ZSCAN18: variants seen among roughly 807,000 people sequenced by gnomAD.
The protein encoded by ZSCAN18 is zinc finger and SCAN domain-containing protein 18.
In ZSCAN18, 16 loss-of-function variants were observed where a neutral mutation model predicts 31.1. The ratio of observed to expected loss-of-function variants is 0.51; its 90% CI spans 0.35 to 0.78. The LOEUF (loss-of-function observed/expected upper bound fraction) is 0.78, where lower values mean the gene tolerates loss of function less well. ZSCAN18 is among the 30% of genes least tolerant of loss of function. ZSCAN18 has a pLI of 0.01. For synonymous variants in ZSCAN18, 375 were observed against 320.7 expected (o/e 1.17, Z -1.81); for missense variants, 731 against 697.4 (o/e 1.05, Z -0.54).
chr19:58,084,463 CG>C lies in ZSCAN18; in HGVS notation c.*221del, dbSNP rs1568624563. 1 of 463,946 alleles carries C rather than the reference CG, an allele frequency of 2.2e-6. No homozygotes were observed. Among genetic ancestry groups the C allele is most frequent in the East Asian group, 3.5e-5 (1 of 28,614 alleles). 28.7% of individuals were successfully genotyped at this position (463,946 alleles called of 1,614,324 possible). A position where few individuals can be genotyped will look rare whatever the true frequency, so the allele number is the denominator to read the frequency against. ...TTCTTCCACATCCGGCGGCTCCCCT[CG>C]GATGCGAGCGCTGGCCCAGGGTGTG... On this transcript the variant is annotated 3_prime_UTR_variant, in exon 7 of 7. Transcript: ENST00000601144. This position sits in a 1 kb window ranked among gnomAD's most constrained non-coding sequence, Gnocchi z 4.5.
intron 6 of ZSCAN18, chr19:58,085,972 A>G: frequency 7.0e-6 from 4 of 569,704 alleles, no homozygotes; most frequent in Non-Finnish European, 1.3e-5. Flanking sequence ...CCACCGACCA[A>G]GTCTTGGGGT....
chr19:58,090,443 C>T lies in ZSCAN18; in HGVS notation c.-119-57G>A. On this transcript the variant is annotated intron_variant, in intron 1 of 6. Transcript: ENST00000601144. The surrounding 1 kb of genome is among the most constrained non-coding windows in gnomAD (Gnocchi z 4.7). ...GCATAAGGCCAGGGCGCAGCCACCC[C>T]AGCTGCCAGAGAACAAAGACACCAC... 1 of 1,432,428 alleles carries T rather than the reference C, an allele frequency of 7.0e-7. No individual in the cohort carries two copies. Among genetic ancestry groups the T allele is most frequent in the Non-Finnish European group, 9.2e-7 (1 of 1,082,234 alleles). The allele number at this position is 1,432,428 out of a possible 1,614,324, so 88.7% of individuals were successfully genotyped here. A position where few individuals can be genotyped will look rare whatever the true frequency, so the allele number is the denominator to read the frequency against.
rs991325483 is a variant in ZSCAN18 at position 58,117,928 on chromosome 19, G to C, written c.130+339C>G. Among the ~76,000 whole-genome samples, 11 of 151,784 alleles carry C rather than the reference G, an allele frequency of 7.2e-5. No homozygotes were observed. The East Asian group carries it at 2.1e-3, about 29-fold the overall frequency. On this transcript the variant is annotated intron_variant, in intron 1 of 1. Coordinates refer to the ZSCAN18 transcript ENST00000595721. ...GGAGTTGGCACCGCACTGGGGAGAA[G>C]GGTATGGGGGCCCACGCCCAACGAA...
At chr19:58,107,275 G>A (rs2074642064) in intron 1 of ZSCAN18, among the ~76,000 whole-genome samples, 1 of 151,958 alleles carries the variant, frequency 6.6e-6, no homozygotes, top group Non-Finnish European at 1.5e-5. Flanking sequence ...TTCAGCACAG[G>A]CCGGGCATGG....
At chr19:58,106,187 G>A (rs1214078150) in intron 1 of ZSCAN18, among the ~76,000 whole-genome samples, 2 of 151,954 alleles carry the variant, frequency 1.3e-5, no homozygotes, top group African/African-American at 2.4e-5. Flanking sequence ...GGATCACTTC[G>A]GCACAGGAGT....
In ZSCAN18 at chr19:58,106,511, G is replaced by C. The variant is rs1398759295; in HGVS notation, c.130+11756C>G. Reference sequence around the variant, plus strand: ...AGGTCAGGAGATCGAGACCATCCCGGCTAAAACGGTGAAACCCCGTCTCTA... The same window carrying C: ...AGGTCAGGAGATCGAGACCATCCCGCCTAAAACGGTGAAACCCCGTCTCTA... On this transcript the variant is annotated intron_variant, in intron 1 of 1. Coordinates refer to the ZSCAN18 transcript ENST00000595721. Among the ~76,000 whole-genome samples the C allele has an allele frequency of 9.1e-5, 2 of 22,076 alleles. 1 individual carries two copies. 14.5% of individuals were successfully genotyped at this position (22,076 alleles called of 152,430 possible).
intron 1 of ZSCAN18, among the ~76,000 whole-genome samples, chr19:58,110,950 C>A (rs373541574): frequency 2.0e-5 from 3 of 152,184 alleles, no homozygotes; most frequent in African/African-American, 7.2e-5. Flanking sequence ...AGGTGGATCA[C>A]GAGGTCAGGA....
chr19:58,109,100 C>G, intron 1 of ZSCAN18: 1 of 1,227,860 alleles, frequency 8.1e-7, no homozygotes, highest in Non-Finnish European at 1.0e-6. Flanking sequence ...TGCTCTGGGT[C>G]CTTGTGTGTG....
chr19:58,086,074 A>C (rs1471117544), intron 6 of ZSCAN18, 100 bp downstream of exon 6: 1 of 927,276 alleles, frequency 1.1e-6, no homozygotes, highest in Non-Finnish European at 1.7e-6. Flanking sequence ...GTCAATGCTG[A>C]GGTCTTTGCT....
intron 1 of ZSCAN18, among the ~76,000 whole-genome samples, chr19:58,111,412 T>A (rs2074682588): frequency 6.6e-6 from 1 of 152,176 alleles, no homozygotes; most frequent in Non-Finnish European, 1.5e-5. Flanking sequence ...GGTGGTGTGA[T>A]CACAGCTCAC....
intron 2 of ZSCAN18, among the ~76,000 whole-genome samples, chr19:58,089,259 C>G (rs8110117): frequency 2.4e-5 from 3 of 124,418 alleles, no homozygotes; most frequent in Non-Finnish European, 3.2e-5. Context: ...GCCGAGATCC[C>G]GCCACTGCAC....
rs1383659167 is a variant in ZSCAN18, at chr19:58,088,730, G to A, written c.511C>T (p.Gln171Ter). Residue 171 changes from glutamine to a stop codon, truncating the protein, a stop_gained, in exon 3 of 7, where the codon CAG becomes TAG. Transcript: ENST00000601144. LOFTEE classifies it high-confidence loss of function. ...LLPGELASPSQALGAGEIPAP... is the reference protein window; with the variant it reads ...LLPGELASPS ...GGGATCTCCCCAGCTCCAAGGGCCT[G>A]GCTGGGGCTCGCGAGCTCGCCTGGT... 1 of 1,607,860 alleles carries A rather than the reference G, an allele frequency of 6.2e-7. No individual in the cohort carries two copies. The highest frequency in any genetic ancestry group is 1.1e-5 in the South Asian group (1 of 91,050).
chr19:58,091,919 A>T (rs1268134998), intron 1 of ZSCAN18, among the ~76,000 whole-genome samples: 4 of 151,998 alleles, frequency 2.6e-5, no homozygotes, highest in African/African-American at 9.7e-5. Flanking sequence ...AGTAAACCAC[A>T]CCAGGCCAGG....
intron 1 of ZSCAN18, among the ~76,000 whole-genome samples, chr19:58,117,748 G>A (rs542120452): frequency 6.6e-5 from 10 of 151,496 alleles, no homozygotes; most frequent in African/African-American, 2.4e-4. Context: ...TATTGGGGAG[G>A]CTGAGGTTAA....
intron 1 of ZSCAN18, among the ~76,000 whole-genome samples, chr19:58,094,025 A>G (rs1018018015): frequency 6.6e-6 from 1 of 151,832 alleles, no homozygotes; most frequent in East Asian, 2.0e-4. Context: ...TCGGCCTCCC[A>G]AAGTGCCAGG....
At chr19:58,094,754 T>C (rs1394450163) in intron 1 of ZSCAN18, among the ~76,000 whole-genome samples, 1 of 151,860 alleles carries the variant, frequency 6.6e-6, no homozygotes, top group Non-Finnish European at 1.5e-5. Context: ...GGTGCATGCC[T>C]GTGGTCCCAG....
intron 5 of ZSCAN18, 61 bp from the exon 6 acceptor site, chr19:58,086,327 T>C: frequency 1.3e-6 from 2 of 1,516,928 alleles, no homozygotes; most frequent in Non-Finnish European, 1.8e-6. Flanking sequence ...TGATGGGTGT[T>C]GTGTGTCGTG....
chr19:58,090,144 G>A lies in ZSCAN18; in HGVS notation c.124C>T (p.Pro42Ser), dbSNP rs2145982993. 2 of 1,613,830 alleles carry A rather than the reference G, an allele frequency of 1.2e-6. No homozygotes were observed. Among genetic ancestry groups the A allele is most frequent in the Non-Finnish European group, 8.5e-7 (1 of 1,179,924 alleles). ...EEPETIPERTPADLEFSRLRF... is the reference protein window; with the variant it reads ...EEPETIPERTSADLEFSRLRF... ...AGGCGGGAGAACTCCAGGTCAGCAG[G>A]GGTCCTCTCAGGGATGGTCTCGGGT... The change falls in exon 2 of 7, where the codon CCT becomes TCT. Residue 42 changes from proline to serine, a missense_variant. This residue lies in a region of ZSCAN18 where 86 missense variants were observed against 119.1 expected (regional missense o/e 0.72). Transcript: ENST00000601144. The surrounding 1 kb of genome is among the most constrained non-coding windows in gnomAD (Gnocchi z 4.7).
At chr19:58,110,637 C>A (rs1194292155) in intron 1 of ZSCAN18, among the ~76,000 whole-genome samples, 3 of 152,236 alleles carry the variant, frequency 2.0e-5, no homozygotes, top group Non-Finnish European at 4.4e-5. Flanking sequence ...TCCCTTTTCT[C>A]AAAAGTCACA....
Sources: gnomAD v4.1 joint callset for allele counts (sites outside exome capture counted in the v4.1 genomes callset) on GRCh38, gnomAD v4.1.1 for gene constraint, gnomAD v4.1.1 regional missense constraint, Gnocchi (gnomAD v3.1) non-coding constraint, MANE v1.5 for transcripts, NCBI Gene and HGNC (gene_info 2026-07-23, HGNC 2026-07-21) for gene names.